Variants in CAMTA1 observed in about 807,000 individuals in gnomAD.
CAMTA1 encodes calmodulin binding transcription activator 1, also known as calmodulin-binding transcription activator 1.
Under a neutral mutation model 170.9 loss-of-function variants are expected in CAMTA1, and 27 were observed. The observed-to-expected ratio is 0.16, with a 90% CI of 0.12 to 0.22. The LOEUF (loss-of-function observed/expected upper bound fraction) is 0.22, where lower values mean the gene tolerates loss of function less well. Among genes scored for constraint, CAMTA1 ranks in the 10% least tolerant of loss-of-function variants. CAMTA1 has a pLI of 1.00. For missense variants in CAMTA1, 1,619 were observed against 2,217.2 expected (o/e 0.73, Z 5.42); for synonymous variants, 833 against 891.5 (o/e 0.93, Z 1.17).
At chr1:6,930,727 T>A (rs961304677) in intron 3 of CAMTA1, among the ~76,000 whole-genome samples, 9 of 152,220 alleles carry the variant, frequency 5.9e-5, no homozygotes, top group African/African-American at 2.4e-5. Flanking sequence ...GGCTGTCCCC[T>A]GAACCCTAGC....
At chr1:7,428,564 T>C (rs1042224300) in intron 5 of CAMTA1, among the ~76,000 whole-genome samples, 2 of 152,110 alleles carry the variant, frequency 1.3e-5, no homozygotes, top group African/African-American at 4.8e-5. Context: ...GGCTCTGCAG[T>C]GGAGGCCCAG....
At chr1:7,640,196 A>G (rs2095749775) in intron 6 of CAMTA1, among the ~76,000 whole-genome samples, 1 of 152,130 alleles carries the variant, frequency 6.6e-6, no homozygotes, top group South Asian at 2.1e-4. Context: ...TAGTGGGTAG[A>G]GGCCAGCGAG....
chr1:6,824,930 A>G (rs1646939250), intron 2 of CAMTA1, among the ~76,000 whole-genome samples, 162 bp from the exon 3 acceptor site: 1 of 152,204 alleles, frequency 6.6e-6, no homozygotes, highest in Non-Finnish European at 1.5e-5. Flanking sequence ...TCAATCTGAT[A>G]AATGGGTAAA....
intron 5 of CAMTA1, among the ~76,000 whole-genome samples, chr1:7,407,326 A>C (rs1357587483): frequency 6.6e-6 from 1 of 152,168 alleles, no homozygotes; most frequent in East Asian, 1.9e-4. Flanking sequence ...GGTGCAGCCC[A>C]GGCTCGGGGA....
At chr1:7,557,139 C>T (rs1173971289) in intron 6 of CAMTA1, among the ~76,000 whole-genome samples, 1 of 151,972 alleles carries the variant, frequency 6.6e-6, no homozygotes, top group Non-Finnish European at 1.5e-5. Flanking sequence ...GAAACCCGGC[C>T]TCTACTAAAA....
chr1:7,224,655 C>T lies in CAMTA1; in HGVS notation c.303-24836C>T, dbSNP rs1276187393. ...TCCCAGGTTGGAGGCGTGACACCCG[C>T]GCCTCTCCGCTGGTGTCATTGATTG... is the stretch of plus-strand genomic sequence containing the variant. On this transcript the variant is annotated intron_variant, in intron 4 of 22. Transcript: ENST00000303635. This position sits in a 1 kb window ranked among gnomAD's most constrained non-coding sequence, Gnocchi z 5.2. Among the ~76,000 whole-genome samples the T allele has an allele frequency of 3.3e-5, 5 of 152,176 alleles. No homozygotes were observed. Among genetic ancestry groups the T allele is most frequent in the East Asian group, 3.9e-4 (2 of 5,138 alleles).
chr1:6,995,290 C>CTTTTCTTT (rs1697040032), intron 3 of CAMTA1, among the ~76,000 whole-genome samples: 1 of 82,280 alleles, frequency 1.2e-5, no homozygotes, highest in Non-Finnish European at 2.5e-5. Context: ...TCTTTTTTTT[C>CTTTTCTTT]TTTTCTTTTT....
intron 5 of CAMTA1, among the ~76,000 whole-genome samples, chr1:7,274,806 A>T (rs1030160360): frequency 6.6e-6 from 1 of 152,234 alleles, no homozygotes; most frequent in Non-Finnish European, 1.5e-5. Context: ...GAAATTACAC[A>T]ACATACTGCT....
chr1:7,437,567 A>G (rs1225748500), intron 5 of CAMTA1, among the ~76,000 whole-genome samples: 4 of 152,114 alleles, frequency 2.6e-5, no homozygotes, highest in Non-Finnish European at 5.9e-5. Flanking sequence ...AGACTTTCCA[A>G]ATTAGGCCAC....
At chr1:7,355,938 T>C (rs117381965) in intron 5 of CAMTA1, among the ~76,000 whole-genome samples, 1,973 of 152,364 alleles carry the variant, frequency 0.013, 100 homozygotes, top group Admixed American at 0.098. Flanking sequence ...ATGAAAGGAC[T>C]AAGCACAAAT....
chr1:7,423,151 G>A (rs910186038), intron 5 of CAMTA1, among the ~76,000 whole-genome samples: 8 of 152,164 alleles, frequency 5.3e-5, no homozygotes, highest in Admixed American at 2.0e-4. Flanking sequence ...CCTGGCCCCG[G>A]GCCAAGCCTT....
chr1:7,636,025 T>C (rs376305181), intron 6 of CAMTA1, among the ~76,000 whole-genome samples: 11 of 152,296 alleles, frequency 7.2e-5, no homozygotes, highest in African/African-American at 2.4e-4. Flanking sequence ...ACCGGGAAGC[T>C]GCCTGCTCCT....
chr1:6,939,745 C>G (rs764290501), intron 3 of CAMTA1, among the ~76,000 whole-genome samples: 1 of 152,236 alleles, frequency 6.6e-6, no homozygotes, highest in South Asian at 2.1e-4. Context: ...CCCAAGCAAA[C>G]CCCGGTCACC....
chr1:7,310,640 C>T (rs867050411), intron 5 of CAMTA1, among the ~76,000 whole-genome samples: 4 of 35,790 alleles, frequency 1.1e-4, no homozygotes, highest in African/African-American at 2.4e-4. Flanking sequence ...TTCTTTCTTT[C>T]TTTCTTTTTT....
At chr1:7,422,963 AT>A (rs956943999) in intron 5 of CAMTA1, among the ~76,000 whole-genome samples, 37 of 152,370 alleles carry the variant, frequency 2.4e-4, no homozygotes, top group African/African-American at 8.7e-4. Flanking sequence ...TGCAAGATGC[AT>A]TTTCAGAGCA....
chr1:7,132,292 C>T (rs967404829), intron 4 of CAMTA1, among the ~76,000 whole-genome samples: 15 of 152,094 alleles, frequency 9.9e-5, no homozygotes, highest in African/African-American at 3.6e-4. Flanking sequence ...CCTTCTCCTT[C>T]AACAGAGTCT....
intron 6 of CAMTA1, among the ~76,000 whole-genome samples, chr1:7,545,911 C>T (rs1242436626): frequency 3.3e-5 from 5 of 151,326 alleles, no homozygotes; most frequent in Admixed American, 6.6e-5. Context: ...TTGTTCAGCT[C>T]CCACTTACAA....
At chr1:6,802,247 T>C (rs1413228074) in intron 1 of CAMTA1, among the ~76,000 whole-genome samples, 1 of 152,202 alleles carries the variant, frequency 6.6e-6, no homozygotes, top group Admixed American at 6.5e-5. Context: ...GTAGTGGCCT[T>C]AGTCATGGCT....
chr1:7,679,740 C>A (rs6672494), intron 11 of CAMTA1, among the ~76,000 whole-genome samples: 14 of 152,266 alleles, frequency 9.2e-5, no homozygotes, highest in African/African-American at 3.4e-4. Flanking sequence ...AGCCAGGGCA[C>A]AGCTAGGGGA....
Sources: gnomAD v4.1 joint callset for allele counts (sites outside exome capture counted in the v4.1 genomes callset) on GRCh38, gnomAD v4.1.1 for gene constraint, Gnocchi (gnomAD v3.1) non-coding constraint, MANE v1.5 for transcripts, NCBI Gene and HGNC (gene_info 2026-07-23, HGNC 2026-07-21) for gene names.